Variants in PKNOX2 observed in about 807,000 individuals in gnomAD.
PKNOX2 encodes the protein PBX/knotted 1 homeobox 2, also known as homeobox protein PKNOX2.
In PKNOX2, 14 loss-of-function variants were observed where a neutral mutation model predicts 53.1. The ratio of observed to expected loss-of-function variants is 0.26; its 90% confidence interval spans 0.17 to 0.41. PKNOX2 has a LOEUF of 0.41. Among genes scored for constraint, PKNOX2 ranks in the 10% least tolerant of loss-of-function variants. The pLI is 1.00. For synonymous variants in PKNOX2, 257 were observed against 242.8 expected (o/e 1.06, Z -0.54); for missense variants, 496 against 602.8 (o/e 0.82, Z 1.85).
chr11:125,406,416 C>T (rs11220050), intron 7 of PKNOX2, among the ~76,000 whole-genome samples: 2,176 of 152,322 alleles, frequency 0.014, 47 homozygotes, highest in African/African-American at 0.048. Flanking sequence ...TGCCTGCGTG[C>T]GCAACCCCAG....
chr11:125,181,131 C>A lies in PKNOX2; in HGVS notation c.-201+16355C>A, dbSNP rs962729389. Among the ~76,000 whole-genome samples, 5 of 152,214 alleles carry A rather than the reference C, an allele frequency of 3.3e-5. No homozygotes were observed. The South Asian group carries it at 8.3e-4, about 25-fold the overall frequency. ...TTAACTTATTCAGTTCTCACTATGACTCTATGGGGATGTTGCCATACCTCT... is the reference window on the plus strand; with the variant it reads ...TTAACTTATTCAGTTCTCACTATGAATCTATGGGGATGTTGCCATACCTCT... On this transcript the variant is annotated intron_variant, in intron 1 of 12. Coordinates refer to ENST00000298282, the MANE Select transcript of PKNOX2 (RefSeq NM_001382323.2).
intron 1 of PKNOX2, among the ~76,000 whole-genome samples, chr11:125,212,402 A>AT (rs1191502802): frequency 6.8e-6 from 1 of 148,120 alleles, no homozygotes; most frequent in African/African-American, 2.5e-5. Flanking sequence ...ATTGTATCTG[A>AT]TGTGGCCCCG....
chr11:125,225,997 C>G (rs1392977814), intron 1 of PKNOX2, among the ~76,000 whole-genome samples: 1 of 152,240 alleles, frequency 6.6e-6, no homozygotes, highest in African/African-American at 2.4e-5. Flanking sequence ...TGCCTTTGTT[C>G]AGGAAAGCAG....
At chr11:125,415,074 A>C (rs1247468318) in intron 10 of PKNOX2, among the ~76,000 whole-genome samples, 1 of 152,136 alleles carries the variant, frequency 6.6e-6, no homozygotes, top group East Asian at 1.9e-4. Context: ...ACTCTGTTGT[A>C]AATTTCTCAG....
At chr11:125,423,459 A>G (rs1319978049) in intron 10 of PKNOX2, among the ~76,000 whole-genome samples, 2 of 152,180 alleles carry the variant, frequency 1.3e-5, no homozygotes, top group African/African-American at 2.4e-5. Flanking sequence ...AGGTCCGATC[A>G]CTGATGCTTT....
At chr11:125,399,500 G>C (rs974398758) in intron 7 of PKNOX2, among the ~76,000 whole-genome samples, 1 of 152,192 alleles carries the variant, frequency 6.6e-6, no homozygotes, top group Non-Finnish European at 1.5e-5. Flanking sequence ...AGGCTGTGAG[G>C]CCTCGCCAAA....
intron 1 of PKNOX2, among the ~76,000 whole-genome samples, chr11:125,212,446 A>G (rs915569105): frequency 2.5e-5 from 3 of 117,648 alleles, no homozygotes; most frequent in Non-Finnish European, 3.5e-5. Flanking sequence ...ATAGGAGGGG[A>G]TTCTTTTTTT....
intron 2 of PKNOX2, among the ~76,000 whole-genome samples, chr11:125,305,195 C>T (rs1169038463): frequency 6.6e-6 from 1 of 152,154 alleles, no homozygotes; most frequent in Non-Finnish European, 1.5e-5. Context: ...GCAGAAAGAG[C>T]TCTTAAGAGA....
At chr11:125,327,592 G>C (rs1949901813) in intron 2 of PKNOX2, among the ~76,000 whole-genome samples, 1 of 152,162 alleles carries the variant, frequency 6.6e-6, no homozygotes, top group Admixed American at 6.5e-5. Flanking sequence ...TCTAGAAAGG[G>C]GCACACAGCT....
chr11:125,263,345 G>A (rs1945030321), intron 2 of PKNOX2, among the ~76,000 whole-genome samples: 1 of 152,196 alleles, frequency 6.6e-6, no homozygotes, highest in Non-Finnish European at 1.5e-5. Flanking sequence ...GCATGAGGAG[G>A]AGCGGCGTGG....
intron 2 of PKNOX2, among the ~76,000 whole-genome samples, chr11:125,298,061 C>T (rs1173056098): frequency 1.3e-5 from 2 of 152,196 alleles, no homozygotes; most frequent in African/African-American, 2.4e-5. Flanking sequence ...ACTTTCAGAG[C>T]TTGGGAGGAC....
intron 6 of PKNOX2, among the ~76,000 whole-genome samples, chr11:125,392,366 C>T: frequency 6.6e-6 from 1 of 152,244 alleles, no homozygotes; most frequent in East Asian, 1.9e-4. Context: ...CCACAGTGTT[C>T]CTGCCCTGCC....
At chr11:125,201,751 C>T (rs1938466137) in intron 1 of PKNOX2, among the ~76,000 whole-genome samples, 1 of 152,214 alleles carries the variant, frequency 6.6e-6, no homozygotes, top group South Asian at 2.1e-4. Context: ...TCAAATTCCT[C>T]AGCCTTACTT....
intron 5 of PKNOX2, 82 bp from the exon 6 acceptor site, chr11:125,385,469 A>C: frequency 6.9e-7 from 1 of 1,453,204 alleles, no homozygotes; most frequent in Non-Finnish European, 9.2e-7. Flanking sequence ...GAACGTGGGC[A>C]GGGGAGCCTG....
At chr11:125,395,353 A>G (rs979663285) in intron 6 of PKNOX2, among the ~76,000 whole-genome samples, 24 of 152,196 alleles carry the variant, frequency 1.6e-4, no homozygotes, top group African/African-American at 5.1e-4. Flanking sequence ...CCGATTTTTG[A>G]CTATTAGAAG....
chr11:125,383,593 G>T (rs1290992468), intron 5 of PKNOX2, among the ~76,000 whole-genome samples: 2 of 152,072 alleles, frequency 1.3e-5, no homozygotes, highest in Non-Finnish European at 1.5e-5. Flanking sequence ...CTCCAGCCTG[G>T]ATGACACAGC....
intron 1 of PKNOX2, among the ~76,000 whole-genome samples, chr11:125,232,983 G>A (rs1942353793): frequency 6.6e-6 from 1 of 151,974 alleles, no homozygotes; most frequent in Non-Finnish European, 1.5e-5. Context: ...AAAAAAGTGG[G>A]TTTGCACGTG....
At chr11:125,351,693 C>A (rs1370215887) in intron 4 of PKNOX2, among the ~76,000 whole-genome samples, 1 of 152,164 alleles carries the variant, frequency 6.6e-6, no homozygotes, top group East Asian at 1.9e-4. Context: ...AGCCAAGCCC[C>A]TTTGCTGTGA....
At position 125,358,369 on chromosome 11, in the gene PKNOX2, G is replaced by A. The variant is rs376638026; in HGVS notation, c.87+6977G>A. ...AGGGAAGGATCTTCCAGAGGGAAGC[G>A]ATGGGATGGGCAGGAGGCCATCAGT... On this transcript the variant is annotated intron_variant, in intron 4 of 12. Transcript: ENST00000298282. Among the ~76,000 whole-genome samples, 111 of 152,308 alleles carry A rather than the reference G, an allele frequency of 7.3e-4. 1 individual carries two copies. The highest frequency in any genetic ancestry group is 2.5e-3 in the African/African-American group (104 of 41,554).
Sources: gnomAD v4.1 joint callset for allele counts (sites outside exome capture counted in the v4.1 genomes callset) on GRCh38, gnomAD v4.1.1 for gene constraint, MANE v1.5 for transcripts, NCBI Gene and HGNC (gene_info 2026-07-23, HGNC 2026-07-21) for gene names.